Variants in XDH observed in about 807,000 individuals in gnomAD.
XDH encodes the protein xanthine dehydrogenase.
XDH carries 138 observed loss-of-function variants against 156.1 expected under a neutral mutation model. The ratio of observed to expected loss-of-function variants is 0.88; its 90% CI spans 0.77 to 1.02. XDH has a LOEUF of 1.02. Ranked by LOEUF, XDH falls within the 50% of genes least tolerant of loss-of-function variation. The pLI is 0.00. For missense variants in XDH, 1,849 were observed against 1,684.9 expected (o/e 1.10, Z -1.71); for synonymous variants, 669 against 625.7 (o/e 1.07, Z -1.03).
chr2:31,352,625 T>C (rs1168494194), intron 24 of XDH, among the ~76,000 whole-genome samples: 1 of 152,212 alleles, frequency 6.6e-6, no homozygotes, highest in Non-Finnish European at 1.5e-5. Context: ...CTTAATATAT[T>C]TGCTGGATTG....
rs60340656 is a variant in XDH, at chr2:31,375,023, C to CTTT, written c.1602+354_1602+356dup. Among the ~76,000 whole-genome samples the CTTT allele has an allele frequency of 9.6e-3, 883 of 92,290 alleles. 47 individuals carry two copies. The highest frequency in any genetic ancestry group is 0.024 in the African/African-American group (481 of 19,928). The allele number at this position is 92,290 out of a possible 152,430, so 60.5% of individuals were successfully genotyped here. On this transcript the variant is annotated intron_variant, in intron 15 of 35. Coordinates refer to ENST00000379416, the MANE Select transcript of XDH (RefSeq NM_000379.4). ...TCTTTCTTTCTTTCTTTCTTTCTTT[C>CTTT]TTTTTTTTTTTTTTTTTTTGAGACA... is the stretch of plus-strand genomic sequence containing the variant.
chr2:31,396,678 A>G (rs983655525), intron 6 of XDH, among the ~76,000 whole-genome samples: 2 of 152,232 alleles, frequency 1.3e-5, no homozygotes, highest in African/African-American at 4.8e-5. Context: ...TAATAGAAAC[A>G]AGGAGACTTG....
intron 5 of XDH, 143 bp downstream of exon 5, chr2:31,398,430 G>T: frequency 1.3e-6 from 2 of 1,482,982 alleles, no homozygotes; most frequent in Non-Finnish European, 9.3e-7. Flanking sequence ...CTTTCTAGCA[G>T]ATCTTAGTCA....
At chr2:31,348,446 G>A in intron 27 of XDH, 83 bp from the exon 28 acceptor site, 2 of 1,287,126 alleles carry the variant, frequency 1.6e-6, no homozygotes, top group Non-Finnish European at 2.2e-6. Flanking sequence ...TGGAGCCCAG[G>A]AACAAGAGAA....
At chr2:31,365,370 G>C (rs1005245184) in intron 23 of XDH, 87 bp downstream of exon 23, 81 of 1,404,958 alleles carry the variant, frequency 5.8e-5, no homozygotes, top group Middle Eastern at 3.5e-4. Flanking sequence ...AAAAGTAGGA[G>C]TGCAGCTCAG....
At chr2:31,413,425 A>G (rs1312868774) in intron 1 of XDH, among the ~76,000 whole-genome samples, 3 of 152,212 alleles carry the variant, frequency 2.0e-5, no homozygotes, top group Admixed American at 6.5e-5. Flanking sequence ...CTCTGAACCC[A>G]GAAGAACATG....
chr2:31,356,080 C>T (rs1344631848), intron 24 of XDH, among the ~76,000 whole-genome samples: 2 of 152,106 alleles, frequency 1.3e-5, no homozygotes, highest in Admixed American at 1.3e-4. Context: ...GACAGCAATA[C>T]TAATTGTGTC....
In XDH at chr2:31,372,376, C is replaced by A; in HGVS notation, c.1708G>T (p.Glu570Ter). The A allele has an allele frequency of 6.2e-7, 1 of 1,614,094 alleles. No homozygotes were observed. The highest frequency in any genetic ancestry group is 8.5e-7 in the Non-Finnish European group (1 of 1,180,044). ...AGGGGCCGGCCCACCATGTCCTCCT[C>A]AGACTGACCCTTGGGCACCTCCTGG... ...LFQEVPKGQS[E>*]EDMVGRPLPH... Residue 570 changes from glutamate to a stop codon, truncating the protein, a stop_gained, in exon 17 of 36, where the codon GAG becomes TAG. Transcript: ENST00000379416. LOFTEE classifies it high-confidence loss of function.
chr2:31,376,958 A>T, intron 14 of XDH, 95 bp downstream of exon 14: 1 of 1,471,034 alleles, frequency 6.8e-7, no homozygotes, highest in Non-Finnish European at 9.5e-7. Flanking sequence ...CAGCAATAGT[A>T]ATACTACTGG....
In XDH at chr2:31,339,540, C is replaced by T; in HGVS notation, c.3723G>A (p.Arg1241=). Residue 1241 remains arginine (R), a synonymous_variant, in exon 34 of 36, where the codon AGG becomes AGA. Coordinates refer to ENST00000379416, the MANE Select transcript of XDH (RefSeq NM_000379.4). ...TGGGGCAGTCGCGGAGCAGGGACAC[C>T]CTGAACTCAATGGGGATGCTGCCAA... ...PAFGSIPIEF[R]VSLLRDCPNK... is the part of the protein sequence containing the mutation. The T allele has an allele frequency of 1.2e-6, 2 of 1,614,170 alleles. No individual in the cohort carries two copies. The highest frequency in any genetic ancestry group is 2.2e-5 in the South Asian group (2 of 91,084).
In XDH at chr2:31,362,703, T is replaced by C. The variant is rs562809981; in HGVS notation, c.2631+1455A>G. 5.3e-5 allele frequency among the ~76,000 whole-genome samples: 8 copies of C among 152,322 alleles called. No homozygotes were observed. In the East Asian group the frequency reaches 1.5e-3, roughly 29 times the overall value. On this transcript the variant is annotated intron_variant, in intron 24 of 35. Transcript: ENST00000379416. ...TCCTTTTATTTAAACAATTGTAGAATATTAGTAATAATAAAGCCCAGCTCT... is the reference window on the plus strand; with the variant it reads ...TCCTTTTATTTAAACAATTGTAGAACATTAGTAATAATAAAGCCCAGCTCT...
In XDH at chr2:31,381,674, A is replaced by G. The variant is rs1686439391; in HGVS notation, c.1091T>C (p.Val364Ala). 2 of 1,614,066 alleles carry G rather than the reference A, an allele frequency of 1.2e-6. No individual in the cohort carries two copies. The highest frequency in any genetic ancestry group is 8.5e-7 in the Non-Finnish European group (1 of 1,180,012). ...TASPISDLNP[V>A]FMASGAKLTL... ...CAGCTTGGCCCCACTGGCCATGAAC[A>G]CGGGGTTGAGGTCGGAGATGGGGCT... The change falls in exon 12 of 36, where the codon GTG becomes GCG. Residue 364 changes from valine to alanine, a missense_variant. Coordinates refer to ENST00000379416, the MANE Select transcript of XDH (RefSeq NM_000379.4).
intron 4 of XDH, 84 bp downstream of exon 4, chr2:31,401,136 A>T (rs1055896997): frequency 6.6e-7 from 1 of 1,505,364 alleles, no homozygotes; most frequent in East Asian, 2.3e-5. Context: ...CAACAACCCA[A>T]AGCAAGTCTG....
At chr2:31,359,149 G>A (rs930764296) in intron 24 of XDH, among the ~76,000 whole-genome samples, 1 of 152,046 alleles carries the variant, frequency 6.6e-6, no homozygotes, top group African/African-American at 2.4e-5. Flanking sequence ...ACAATACCAA[G>A]TGTTACTGAG....
chr2:31,412,488 G>C (rs983133884), intron 1 of XDH, among the ~76,000 whole-genome samples: 35 of 152,218 alleles, frequency 2.3e-4, no homozygotes, highest in Admixed American at 2.0e-3. Flanking sequence ...GTCGTGGGGT[G>C]GGGGGAGAGG....
intron 24 of XDH, among the ~76,000 whole-genome samples, chr2:31,361,155 A>G (rs560414862): frequency 4.6e-5 from 7 of 152,340 alleles, no homozygotes; most frequent in Middle Eastern, 3.4e-3. Flanking sequence ...CAACAGCACA[A>G]GATTGCTGAA....
At chr2:31,407,793 G>A (rs1687232551) in intron 1 of XDH, among the ~76,000 whole-genome samples, 1 of 152,154 alleles carries the variant, frequency 6.6e-6, no homozygotes, top group Non-Finnish European at 1.5e-5. Flanking sequence ...TCATGAAACT[G>A]CCAGAATTTG....
chr2:31,407,691 T>C (rs1209508472), intron 1 of XDH, among the ~76,000 whole-genome samples: 1 of 152,212 alleles, frequency 6.6e-6, no homozygotes, highest in Admixed American at 6.5e-5. Context: ...GAGAGCTTTC[T>C]TGCTATCCTC....
chr2:31,337,677 C>T lies in XDH; in HGVS notation c.3915G>A (p.Lys1305=). The change falls in exon 35 of 36, where the codon AAG becomes AAA. Residue 1305 remains lysine, a synonymous_variant. Transcript: ENST00000379416. ...ACTTGTCCACGCAGGCATTGCGGATCTTCTCCGGGGTGGCAGGGCTGTCTA... is the reference window on the plus strand; with the variant it reads ...ACTTGTCCACGCAGGCATTGCGGATTTTCTCCGGGGTGGCAGGGCTGTCTA... ...FRLDSPATPE[K]IRNACVDKFT... is the part of the protein sequence containing the mutation. 1 of 1,614,238 alleles carries T rather than the reference C, an allele frequency of 6.2e-7. No individual in the cohort carries two copies. The highest frequency in any genetic ancestry group is 1.1e-5 in the South Asian group (1 of 91,080).
Sources: gnomAD v4.1 joint callset for allele counts (sites outside exome capture counted in the v4.1 genomes callset) on GRCh38, gnomAD v4.1.1 for gene constraint, MANE v1.5 for transcripts, NCBI Gene and HGNC (gene_info 2026-07-23, HGNC 2026-07-21) for gene names.